AGPS: variants seen among roughly 807,000 people sequenced by gnomAD.
AGPS encodes alkylglycerone phosphate synthase.
In AGPS, 26 loss-of-function variants were observed where a neutral mutation model predicts 90.7. The observed-to-expected ratio is 0.29, with a 90% CI of 0.21 to 0.40. The LOEUF (loss-of-function observed/expected upper bound fraction) is 0.40, where lower values mean the gene tolerates loss of function less well. Among genes scored for constraint, AGPS ranks in the 10% least tolerant of loss-of-function variants. The probability of loss-of-function intolerance (pLI) is 1.00; values close to 1 mark genes in which losing one functional copy is unlikely to be tolerated. For missense variants in AGPS, 540 were observed against 816.1 expected, an observed-to-expected ratio of 0.66 and a Z score of 4.12; for synonymous variants, 294 against 285.3, an observed-to-expected ratio of 1.03 and a Z score of -0.31.
chr2:177,503,436 T>G lies in AGPS; in HGVS notation c.1476-2070T>G, dbSNP rs532448900. ...AGGTTCACCAGATGGCCCTTTTATA[T>G]AAAAAGATTGTCTCTCATTCCTCTT... On this transcript the variant is annotated intron_variant, in intron 14 of 19. Transcript: ENST00000264167. 4.6e-5 allele frequency among the ~76,000 whole-genome samples: 7 copies of G among 152,332 alleles called. No individual in the cohort carries two copies. In the East Asian group the frequency reaches 1.3e-3, roughly 29 times the overall value.
chr2:177,452,923 T>G (rs1195078884), intron 8 of AGPS, among the ~76,000 whole-genome samples: 1 of 152,110 alleles, frequency 6.6e-6, no homozygotes, highest in Admixed American at 6.5e-5. Context: ...ATTTAAAAAA[T>G]TTAAATAATA....
intron 2 of AGPS, among the ~76,000 whole-genome samples, chr2:177,424,055 T>A (rs771685890): frequency 9.9e-5 from 15 of 152,062 alleles, no homozygotes; most frequent in Non-Finnish European, 1.9e-4. Context: ...ATCCCCTTGG[T>A]TATTAGGTTA....
At chr2:177,442,189 T>TCAGTTCCGTAATATTGCTTC (rs1360181483) in intron 6 of AGPS, among the ~76,000 whole-genome samples, 1 of 152,238 alleles carries the variant, frequency 6.6e-6, no homozygotes, top group Non-Finnish European at 1.5e-5. Flanking sequence ...CCCATTGCTT[T>TCAGTTCCGTAATATTGCTTC]CAGTTCCGTA....
intron 19 of AGPS, among the ~76,000 whole-genome samples, chr2:177,528,721 A>C (rs975950545): frequency 3.3e-5 from 5 of 152,210 alleles, no homozygotes; most frequent in Admixed American, 3.3e-4. Context: ...GCTGCTCTAC[A>C]TAGTTCAACA....
chr2:177,463,607 C>T (rs1225456680), intron 9 of AGPS, among the ~76,000 whole-genome samples: 1 of 152,004 alleles, frequency 6.6e-6, no homozygotes, highest in Non-Finnish European at 1.5e-5. Flanking sequence ...GAATTAAAAA[C>T]TTTTGTCTAT....
At chr2:177,503,614 G>A (rs933467935) in intron 14 of AGPS, among the ~76,000 whole-genome samples, 1 of 152,070 alleles carries the variant, frequency 6.6e-6, no homozygotes, top group African/African-American at 2.4e-5. Context: ...CAGTCATTTT[G>A]GAGTGATTAC....
chr2:177,458,606 C>G (rs1393920904), intron 8 of AGPS, among the ~76,000 whole-genome samples: 2 of 152,020 alleles, frequency 1.3e-5, no homozygotes, highest in Non-Finnish European at 2.9e-5. Flanking sequence ...ACCTAGGAAT[C>G]CAACTTACAA....
chr2:177,504,019 C>G (rs974454545), intron 14 of AGPS, among the ~76,000 whole-genome samples: 1 of 152,142 alleles, frequency 6.6e-6, no homozygotes, highest in African/African-American at 2.4e-5. Flanking sequence ...AGAGGCAAGC[C>G]TATTAAATGT....
chr2:177,442,332 T>G (rs1204351488), intron 6 of AGPS, 75 bp from the exon 7 acceptor site: 8 of 1,124,590 alleles, frequency 7.1e-6, no homozygotes, highest in Non-Finnish European at 1.1e-5. Context: ...ATACTTGATA[T>G]GAGGGATTTG....
intron 1 of AGPS, among the ~76,000 whole-genome samples, chr2:177,411,428 T>C: frequency 6.6e-6 from 1 of 152,184 alleles, no homozygotes; most frequent in East Asian, 1.9e-4. Flanking sequence ...AGTTAGTAAA[T>C]GTCTGCAGCA....
intron 16 of AGPS, among the ~76,000 whole-genome samples, chr2:177,512,259 AT>A (rs568997501): frequency 1.9e-3 from 288 of 152,062 alleles, no homozygotes; most frequent in Non-Finnish European, 2.4e-3. Context: ...GTTTTATGAG[AT>A]TTTTTTTAAA....
intron 2 of AGPS, among the ~76,000 whole-genome samples, chr2:177,426,379 T>C (rs1686079156): frequency 6.6e-6 from 1 of 152,226 alleles, no homozygotes; most frequent in Admixed American, 6.5e-5. Flanking sequence ...TTGAATTTTC[T>C]TTATTTCTTT....
Position 177,441,026 on chromosome 2 carries a change from A to T in AGPS, c.699A>T (p.Ile233=). ...NLACKYNLCI[I]PIGGGTSVSY... ...CTTGCAAATATAATCTTTGTATCAT[A>T]CCAATTGGTGGTAGGTATTGTGCCT... Residue 233 remains isoleucine, a synonymous_variant, in exon 6 of 20, where the codon ATA becomes ATT. Coordinates refer to ENST00000264167, the MANE Select transcript of AGPS (RefSeq NM_003659.4). 1 of 1,611,150 alleles carries T rather than the reference A, an allele frequency of 6.2e-7. No homozygotes were observed. Among genetic ancestry groups the T allele is most frequent in the East Asian group, 2.2e-5 (1 of 44,710 alleles).
intron 17 of AGPS, among the ~76,000 whole-genome samples, chr2:177,519,101 C>A (rs1689105733): frequency 6.6e-6 from 1 of 152,112 alleles, no homozygotes; most frequent in African/African-American, 2.4e-5. Context: ...TCCTCAAGTT[C>A]TTTGGTTTTT....
chr2:177,485,184 C>T (rs1688059155), intron 11 of AGPS, among the ~76,000 whole-genome samples: 1 of 152,174 alleles, frequency 6.6e-6, no homozygotes, highest in South Asian at 2.1e-4. Flanking sequence ...AACTCTGCCC[C>T]TTCAATAATA....
At chr2:177,396,010 A>C (rs1415031038) in intron 1 of AGPS, among the ~76,000 whole-genome samples, 1 of 123,820 alleles carries the variant, frequency 8.1e-6, no homozygotes, top group Non-Finnish European at 1.6e-5. Context: ...GACACAGTGC[A>C]GTTTGATTAG....
At chr2:177,405,668 C>CTGT (rs1685447402) in intron 1 of AGPS, among the ~76,000 whole-genome samples, 1 of 101,536 alleles carries the variant, frequency 9.8e-6, no homozygotes, top group Non-Finnish European at 1.8e-5. Context: ...TTGCACTATT[C>CTGT]TGTTGTTTTT....
intron 1 of AGPS, among the ~76,000 whole-genome samples, chr2:177,411,847 C>T (rs542641882): frequency 4.8e-4 from 73 of 152,280 alleles, no homozygotes; most frequent in African/African-American, 1.6e-3. Flanking sequence ...AGTTCTAAGG[C>T]CCTGGCCAAG....
intron 16 of AGPS, among the ~76,000 whole-genome samples, chr2:177,509,030 G>A (rs1220873677): frequency 2.6e-5 from 4 of 152,130 alleles, no homozygotes; most frequent in Non-Finnish European, 4.4e-5. Context: ...ACAATGAAGT[G>A]TATAGGACGG....
Sources: allele counts gnomAD v4.1 joint callset (sites outside exome capture counted in the v4.1 genomes callset), GRCh38; gene constraint gnomAD v4.1.1; transcripts MANE v1.5; gene names NCBI Gene and HGNC (gene_info 2026-07-23, HGNC 2026-07-21).